Variants in CTNNA3 observed in about 807,000 individuals in gnomAD.
CTNNA3 encodes catenin alpha-3.
CTNNA3 carries 76 observed loss-of-function variants against 95.7 expected under a neutral mutation model. The ratio of observed to expected loss-of-function variants is 0.79; its 90% CI spans 0.66 to 0.96. The LOEUF (loss-of-function observed/expected upper bound fraction) is 0.96, where lower values mean the gene tolerates loss of function less well. Ranked by LOEUF, CTNNA3 falls within the 40% of genes least tolerant of loss-of-function variation. The pLI is 0.00. For synonymous variants in CTNNA3, 431 were observed against 374.4 expected (o/e 1.15, Z -1.74); for missense variants, 1,191 against 1,089.8 (o/e 1.09, Z -1.31).
chr10:66,350,770 T>A (rs2092561024), intron 12 of CTNNA3, among the ~76,000 whole-genome samples: 1 of 151,820 alleles, frequency 6.6e-6, no homozygotes, highest in Non-Finnish European at 1.5e-5. Flanking sequence ...GAGGAATGAG[T>A]TTGGTCTTTG....
rs559732931 is a variant in CTNNA3, at chr10:67,743,984, T to C, written c.-2+19450A>G. On this transcript the variant is annotated intron_variant, in intron 1 of 17. Transcript: ENST00000684154. Reference sequence around the variant, plus strand: ...CTCCTCAAGGAGAACTACAAACTACTGCTCAATGAAATAAAAGAGGATACA... The same window carrying C: ...CTCCTCAAGGAGAACTACAAACTACCGCTCAATGAAATAAAAGAGGATACA... Among the ~76,000 whole-genome samples the C allele has an allele frequency of 3.5e-4, 53 of 151,366 alleles. No homozygotes were observed. The East Asian group carries it at 6.9e-3, about 20-fold the overall frequency.
rs140543777 is a variant in CTNNA3, at chr10:67,201,189, G to A, written c.843+18418C>T. 1.9e-3 allele frequency among the ~76,000 whole-genome samples: 282 copies of A among 152,300 alleles called. 3 individuals carry two copies. Among genetic ancestry groups the A allele is most frequent in the African/African-American group, 6.5e-3 (269 of 41,570 alleles). On this transcript the variant is annotated intron_variant, in intron 6 of 17. Transcript: ENST00000433211. ...ATTGAAGAAGCAAGCCACTATGCCT[G>A]TTAGAGACAGCATGGTTTCCACGTG...
At chr10:65,964,177 A>C (rs1315022641) in intron 17 of CTNNA3, among the ~76,000 whole-genome samples, 2 of 152,204 alleles carry the variant, frequency 1.3e-5, no homozygotes, top group African/African-American at 4.8e-5. Flanking sequence ...TTCTGAATTT[A>C]AAGAATAGGA....
intron 1 of CTNNA3, among the ~76,000 whole-genome samples, chr10:67,725,667 T>C (rs1228181024): frequency 6.6e-6 from 1 of 151,594 alleles, no homozygotes; most frequent in South Asian, 2.1e-4. Context: ...GAGATAGGGA[T>C]AGAGAGAAAA....
chr10:66,781,844 A>AT (rs1840547542), intron 7 of CTNNA3, among the ~76,000 whole-genome samples: 1 of 152,136 alleles, frequency 6.6e-6, no homozygotes, highest in Non-Finnish European at 1.5e-5. Flanking sequence ...TGTTCACAAT[A>AT]ACTCTACACA....
intron 1 of CTNNA3, among the ~76,000 whole-genome samples, chr10:67,686,642 T>C (rs1840737066): frequency 6.6e-6 from 1 of 152,130 alleles, no homozygotes; most frequent in Non-Finnish European, 1.5e-5. Context: ...ATTATTTTGA[T>C]AGCCTCTGAC....
At chr10:67,133,080 T>C (rs1346741614) in intron 7 of CTNNA3, among the ~76,000 whole-genome samples, 1 of 151,682 alleles carries the variant, frequency 6.6e-6, no homozygotes, top group African/African-American at 2.4e-5. Context: ...CTTGAAATGA[T>C]ACCAACACAT....
intron 11 of CTNNA3, among the ~76,000 whole-genome samples, chr10:66,403,341 T>A (rs533096901): frequency 6.6e-6 from 1 of 152,248 alleles, no homozygotes; most frequent in Admixed American, 6.5e-5. Context: ...GACATACCTG[T>A]GACCAGGTAA....
At chr10:67,457,687 A>G (rs1002231700) in intron 5 of CTNNA3, among the ~76,000 whole-genome samples, 2 of 152,232 alleles carry the variant, frequency 1.3e-5, no homozygotes, top group East Asian at 3.9e-4. Flanking sequence ...TTCCTTCTGG[A>G]GGCTTTAGGG....
At chr10:66,099,013 T>C (rs1018300219) in intron 14 of CTNNA3, among the ~76,000 whole-genome samples, 2 of 152,192 alleles carry the variant, frequency 1.3e-5, no homozygotes, top group Admixed American at 6.6e-5. Flanking sequence ...TAATAAATGA[T>C]GTTGAGCTGA....
At chr10:66,032,159 C>T (rs2079461817) in intron 15 of CTNNA3, among the ~76,000 whole-genome samples, 3 of 151,956 alleles carry the variant, frequency 2.0e-5, no homozygotes, top group Admixed American at 1.3e-4. Context: ...AAAATATATC[C>T]TTACATATTA....
intron 5 of CTNNA3, among the ~76,000 whole-genome samples, chr10:67,470,660 C>T (rs985214205): frequency 6.6e-6 from 1 of 152,110 alleles, no homozygotes; most frequent in Admixed American, 6.6e-5. Context: ...CACACACACA[C>T]ACACACACCG....
At chr10:66,978,552 A>AAATAAAAAATAAAAAAAATATATATATAT in intron 7 of CTNNA3, among the ~76,000 whole-genome samples, 1 of 37,866 alleles carries the variant, frequency 2.6e-5, no homozygotes, top group Non-Finnish European at 4.8e-5. Flanking sequence ...AAAAAAAAAA[A>AAATAAAAAATAAAAAAAATATATATATAT]ATATATATAT....
At chr10:67,145,402 C>T (rs963604618) in intron 7 of CTNNA3, among the ~76,000 whole-genome samples, 1 of 150,988 alleles carries the variant, frequency 6.6e-6, no homozygotes, top group Non-Finnish European at 1.5e-5. Context: ...AATAAAGGAA[C>T]TAAGCTGACA....
chr10:67,385,893 T>G (rs1844142714), intron 5 of CTNNA3, among the ~76,000 whole-genome samples: 1 of 150,302 alleles, frequency 6.7e-6, no homozygotes, highest in South Asian at 2.1e-4. Context: ...TTCACAGTCA[T>G]GCAAGTGGAA....
chr10:67,606,775 A>T (rs1843288359), intron 3 of CTNNA3, 82 bp downstream of exon 3: 1 of 1,177,756 alleles, frequency 8.5e-7, no homozygotes, highest in Non-Finnish European at 1.2e-6. Context: ...GCCAACAAAA[A>T]CAAAACACTC....
At chr10:66,225,336 C>G (rs1306070167) in intron 13 of CTNNA3, among the ~76,000 whole-genome samples, 1 of 148,438 alleles carries the variant, frequency 6.7e-6, no homozygotes, top group Non-Finnish European at 1.5e-5. Context: ...AACATAATCC[C>G]CTCCAGACTC....
chr10:65,977,458 T>C (rs1178907598), intron 16 of CTNNA3, among the ~76,000 whole-genome samples: 1 of 152,172 alleles, frequency 6.6e-6, no homozygotes, highest in African/African-American at 2.4e-5. Context: ...TTTTTGCTCA[T>C]ATTGGAGCCT....
intron 7 of CTNNA3, among the ~76,000 whole-genome samples, chr10:66,882,326 C>T (rs1358681196): frequency 1.3e-5 from 2 of 151,984 alleles, no homozygotes; most frequent in East Asian, 1.9e-4. Context: ...GGGAACAGTC[C>T]CATAGCTTTA....
Sources: allele counts gnomAD v4.1 joint callset (sites outside exome capture counted in the v4.1 genomes callset), GRCh38; gene constraint gnomAD v4.1.1; transcripts MANE v1.5; gene names NCBI Gene and HGNC (gene_info 2026-07-23, HGNC 2026-07-21).